The following PDE4DIP variants were observed in gnomAD, a reference collection of about 807,000 sequenced individuals.
PDE4DIP encodes the protein phosphodiesterase 4D interacting protein, also known as myomegalin.
PDE4DIP carries 59 observed loss-of-function variants against 221.4 expected under a neutral mutation model. The observed-to-expected ratio is 0.27, with a 90% CI of 0.22 to 0.33. The LOEUF (loss-of-function observed/expected upper bound fraction) is 0.33, where lower values mean the gene tolerates loss of function less well. Ranked by LOEUF, PDE4DIP falls within the 10% of genes least tolerant of loss-of-function variation. The pLI is 1.00. For synonymous variants in PDE4DIP, 404 were observed against 815.9 expected (o/e 0.50, Z 8.60); for missense variants, 1,036 against 2,154.2 (o/e 0.48, Z 10.28).
In PDE4DIP at chr1:149,009,840, G is replaced by A. The variant is rs781800175; in HGVS notation, c.4927+49G>A. On this transcript the variant is annotated intron_variant, in intron 30 of 43. Coordinates refer to ENST00000369354, the Ensembl canonical transcript of PDE4DIP. The stretch of plus-strand genomic sequence containing the variant: ...ACCATCTTTGTCTAGGCTGAGTGGA[G>A]AACTCAGGAAACAGGGCTTATAGCT... 9 of 1,297,464 alleles carry A rather than the reference G, an allele frequency of 6.9e-6. No individual in the cohort carries two copies. In the African/African-American group the frequency reaches 7.2e-5, roughly 10 times the overall value. 80.4% of individuals were successfully genotyped at this position (1,297,464 alleles called of 1,614,324 possible). A position where few individuals can be genotyped will look rare whatever the true frequency, so the allele number is the denominator to read the frequency against.
chr1:148,992,410 G>T, intron 22 of PDE4DIP: 1 of 1,446,546 alleles, frequency 6.9e-7, no homozygotes, highest in Non-Finnish European at 9.1e-7. Flanking sequence ...ACTCCAAGAA[G>T]ATTGGAATGC....
intron 1 of PDE4DIP, among the ~76,000 whole-genome samples, chr1:148,913,895 G>T (rs587654333): frequency 7.9e-6 from 1 of 126,322 alleles, no homozygotes; most frequent in Admixed American, 7.9e-5. Context: ...GTTCAGTTTT[G>T]GAAATTTGGT....
intron 2 of PDE4DIP, 167 bp downstream of exon 5, chr1:148,929,440 T>C (rs671146): frequency 1.3e-4 from 134 of 1,010,154 alleles, no homozygotes; most frequent in East Asian, 4.3e-4. Context: ...CTTGGGCTCT[T>C]TCTCTATTAC....
chr1:148,989,630 C>G (rs1244214724), intron 21 of PDE4DIP, among the ~76,000 whole-genome samples: 1 of 152,156 alleles, frequency 6.6e-6, no homozygotes, highest in African/African-American at 2.4e-5. Flanking sequence ...GGATGAGGAT[C>G]CTGACCTCAT....
intron 1 of PDE4DIP, among the ~76,000 whole-genome samples, chr1:148,897,621 ATT>A (rs11374427): frequency 2.9e-5 from 3 of 102,508 alleles, no homozygotes; most frequent in African/African-American, 1.1e-4. Context: ...ATCTCTGTAA[ATT>A]TTTTTTTTTT....
chr1:148,995,892 AAAAG>A (rs2064102812), intron 22 of PDE4DIP, among the ~76,000 whole-genome samples: 1 of 150,040 alleles, frequency 6.7e-6, no homozygotes, highest in African/African-American at 2.4e-5. Context: ...AAAAAATAAA[AAAAG>A]AAATAAAAAA....
At chr1:148,876,969 G>T (rs1691670441) in intron 3 of PDE4DIP, among the ~76,000 whole-genome samples, 1 of 142,458 alleles carries the variant, frequency 7.0e-6, no homozygotes. Flanking sequence ...AGCCGAGATT[G>T]CCACTGTACT....
Position 148,933,240 on chromosome 1 carries a change from G to A in PDE4DIP, c.518+952G>A, listed in dbSNP as rs1175556070. On this transcript the variant is annotated intron_variant, in intron 4 of 43. Transcript: ENST00000369354. ...TGGATAGGGAAAGGAAATATTCTAT[G>A]CAGAAGGAGAAACTATGGAGGGAAG... Among the ~76,000 whole-genome samples, 11 of 152,116 alleles carry A rather than the reference G, an allele frequency of 7.2e-5. No homozygotes were observed. The South Asian group carries it at 1.2e-3, about 17-fold the overall frequency.
chr1:148,953,545 A>T, intron 5 of PDE4DIP: 1 of 1,614,174 alleles, frequency 6.2e-7, no homozygotes, highest in South Asian at 1.1e-5. Context: ...GCCCTCCACA[A>T]CAGAAAGATG....
At chr1:148,975,490 GC>G (rs1291366558) in intron 17 of PDE4DIP, among the ~76,000 whole-genome samples, 1 of 151,228 alleles carries the variant, frequency 6.6e-6, no homozygotes, top group Non-Finnish European at 1.5e-5. Flanking sequence ...AAATGCCAGA[GC>G]TATGATTCAA....
intron 1 of PDE4DIP, among the ~76,000 whole-genome samples, chr1:148,819,916 C>CTTTTTTTTTTTT (rs10699564): frequency 8.6e-5 from 3 of 34,792 alleles, no homozygotes; most frequent in Admixed American, 2.6e-4. Context: ...CTGTTTATAT[C>CTTTTTTTTTTTT]TTTTTTTTTT....
At chr1:148,821,433 G>T (rs1264933846) in intron 1 of PDE4DIP, among the ~76,000 whole-genome samples, 1 of 150,620 alleles carries the variant, frequency 6.6e-6, no homozygotes, top group Non-Finnish European at 1.5e-5. Context: ...TTGGATAAAG[G>T]CTCAGTGAGG....
At chr1:149,020,783 C>T in intron 36 of PDE4DIP, 2 of 515,882 alleles carry the variant, frequency 3.9e-6, no homozygotes, top group Non-Finnish European at 7.0e-6. Context: ...CTGTTCTGCT[C>T]TGAACTAATG....
chr1:148,986,991 CTG>C (rs2062022421), intron 21 of PDE4DIP, among the ~76,000 whole-genome samples: 2 of 152,142 alleles, frequency 1.3e-5, no homozygotes, highest in African/African-American at 2.4e-5. Flanking sequence ...GGATAGAAGA[CTG>C]TAGTTGTATT....
chr1:148,930,405 T>C (rs1553468932), intron 2 of PDE4DIP: 1 of 150,780 alleles, frequency 6.6e-6, no homozygotes, highest in African/African-American at 2.4e-5. Flanking sequence ...TAGTCCCAGC[T>C]ACTTGGGAGG....
At chr1:148,988,022 C>G (rs1476911129) in intron 21 of PDE4DIP, among the ~76,000 whole-genome samples, 1 of 152,186 alleles carries the variant, frequency 6.6e-6, no homozygotes, top group South Asian at 2.1e-4. Flanking sequence ...GGCACCTATT[C>G]CAAAGAGTTC....
intron 37 of PDE4DIP, among the ~76,000 whole-genome samples, chr1:149,023,573 A>G (rs374258065): frequency 1.4e-5 from 2 of 147,008 alleles, no homozygotes; most frequent in East Asian, 4.1e-4. Context: ...ATGTATATAT[A>G]TGTGTGTACA....
At chr1:149,005,250 C>T (rs370045344) in exon 27 of PDE4DIP, 41 of 1,595,326 alleles carry the variant, frequency 2.6e-5, no homozygotes, top group Non-Finnish European at 3.3e-5. Flanking sequence ...GTCTTCACCT[C>T]ATAGTGTCCC....
At position 148,978,427 on chromosome 1, in the gene PDE4DIP, G is replaced by A; in HGVS notation, c.2574+12G>A. ...ACCGAAGACAACAGGTAAGTTACTG[G>A]AATATAAACCTTATTTATTTATTTA... On this transcript the variant is annotated intron_variant, in intron 19 of 43. Transcript: ENST00000369354. 6.5e-7 allele frequency: 1 copy of A among 1,536,932 alleles called. No homozygotes were observed. Among genetic ancestry groups the A allele is most frequent in the South Asian group, 1.2e-5 (1 of 82,380 alleles).
Sources: gnomAD v4.1 joint callset for allele counts (sites outside exome capture counted in the v4.1 genomes callset) on GRCh38, gnomAD v4.1.1 for gene constraint, MANE v1.5 for transcripts, NCBI Gene and HGNC (gene_info 2026-07-23, HGNC 2026-07-21) for gene names.